ZPBP: variants seen among roughly 807,000 people sequenced by gnomAD.
ZPBP encodes the protein zona pellucida-binding protein 1.
ZPBP carries 26 observed loss-of-function variants against 44.8 expected under a neutral mutation model. That is an observed-to-expected ratio of 0.58 (90% CI 0.43 to 0.81). ZPBP has a LOEUF of 0.81. ZPBP is among the 30% of genes least tolerant of loss of function. The probability of loss-of-function intolerance (pLI) is 0.00; values close to 1 mark genes in which losing one functional copy is unlikely to be tolerated. For synonymous variants in ZPBP, 174 were observed against 153.2 expected (o/e 1.14, Z -1.00); for missense variants, 409 against 434.0 (o/e 0.94, Z 0.51).
intron 3 of ZPBP, among the ~76,000 whole-genome samples, chr7:50,069,002 T>C (rs1042307199): frequency 1.3e-5 from 2 of 152,226 alleles, no homozygotes; most frequent in Admixed American, 6.5e-5. Flanking sequence ...GACTGCATCA[T>C]CTGGCTCTTA....
chr7:49,987,729 TGTGTG>T (rs1312336788), intron 6 of ZPBP, among the ~76,000 whole-genome samples: 6 of 606 alleles, frequency 9.9e-3, no homozygotes, highest in Non-Finnish European at 0.021. Context: ...ATATATGTGT[TGTGTG>T]TGTGTGTGTG....
At chr7:49,993,406 T>C (rs1567279) in intron 6 of ZPBP, among the ~76,000 whole-genome samples, 39,726 of 152,092 alleles carry the variant, frequency 0.26, 6,501 homozygotes, top group Non-Finnish European at 0.37. Flanking sequence ...GATGTTGGAT[T>C]TAAATCCAAA....
intron 2 of ZPBP, among the ~76,000 whole-genome samples, chr7:49,892,114 G>A (rs993908390): frequency 7.5e-6 from 1 of 134,184 alleles, no homozygotes; most frequent in Non-Finnish European, 1.5e-5. Flanking sequence ...GCGCAATCTC[G>A]GCTCACTGCA....
intron 6 of ZPBP, among the ~76,000 whole-genome samples, chr7:49,991,372 A>G (rs1156591488): frequency 6.6e-6 from 1 of 152,174 alleles, no homozygotes; most frequent in East Asian, 1.9e-4. Context: ...AATTAGGCGG[A>G]GATATATGAG....
chr7:50,045,012 C>T (rs542137565), intron 4 of ZPBP, among the ~76,000 whole-genome samples: 5 of 152,274 alleles, frequency 3.3e-5, no homozygotes, highest in East Asian at 1.9e-4. Flanking sequence ...AATCAATAAA[C>T]GTAATCCATC....
rs139185755 is a variant in ZPBP at position 50,012,178 on chromosome 7, G to T, written c.783+6062C>A. ...TAATATTAGAAGCAATTTCATGCCA[G>T]AAAAATTTGACAATTTTGATCCAAT... is the stretch of plus-strand genomic sequence containing the variant. On this transcript the variant is annotated intron_variant, in intron 6 of 7. Coordinates refer to ENST00000046087, the MANE Select transcript of ZPBP (RefSeq NM_007009.3). 6.0e-3 allele frequency among the ~76,000 whole-genome samples: 917 copies of T among 152,012 alleles called. 10 individuals carry two copies. Among genetic ancestry groups the T allele is most frequent in the Middle Eastern group, 0.034 (10 of 294 alleles).
At chr7:49,979,203 C>T (rs942709386) in intron 7 of ZPBP, among the ~76,000 whole-genome samples, 1 of 151,928 alleles carries the variant, frequency 6.6e-6, no homozygotes, top group Non-Finnish European at 1.5e-5. Context: ...AAACACAAGT[C>T]TCACCGAGAA....
intron 1 of ZPBP, among the ~76,000 whole-genome samples, chr7:49,911,311 A>G (rs558686699): frequency 3.3e-5 from 5 of 151,630 alleles, no homozygotes; most frequent in African/African-American, 4.8e-5. Context: ...GTGAAACCCA[A>G]TCTCTACTAA....
intron 7 of ZPBP, among the ~76,000 whole-genome samples, chr7:49,977,127 A>AAATAAATAAATAAATAAATG (rs1562814430): frequency 2.6e-5 from 4 of 151,444 alleles, no homozygotes; most frequent in Admixed American, 6.6e-5. Context: ...ATAAATAAAT[A>AAATAAATAAATAAATAAATG]AATAAATAGA....
chr7:50,046,401 G>C (rs1240443050), intron 4 of ZPBP, among the ~76,000 whole-genome samples: 3 of 151,052 alleles, frequency 2.0e-5, no homozygotes, highest in Non-Finnish European at 2.9e-5. Flanking sequence ...CTATCCATCT[G>C]ACAAAGGGCT....
chr7:49,867,053 G>C (rs534834753), intron 2 of ZPBP, among the ~76,000 whole-genome samples: 1 of 152,136 alleles, frequency 6.6e-6, no homozygotes, highest in Non-Finnish European at 1.5e-5. Flanking sequence ...TAACCATCTC[G>C]TTAGAGAGAC....
intron 1 of ZPBP, 179 bp downstream of exon 1, chr7:50,092,889 A>C: frequency 1.1e-6 from 1 of 917,676 alleles, no homozygotes; most frequent in Non-Finnish European, 1.6e-6. Flanking sequence ...TCACTCCTCT[A>C]TGCAAATGCA....
Position 49,981,436 on chromosome 7 carries a change from TAA to T in ZPBP, c.961+1904_961+1905del, listed in dbSNP as rs1352584456. On this transcript the variant is annotated intron_variant, in intron 7 of 7. Coordinates refer to ENST00000046087, the MANE Select transcript of ZPBP (RefSeq NM_007009.3). ...TATAATATATAATATAAAATATATA[TAA>T]TATATATTATGTACATATAATAATA... is the stretch of plus-strand genomic sequence containing the variant. 1.4e-4 allele frequency among the ~76,000 whole-genome samples: 7 copies of T among 50,168 alleles called. 1 individual carries two copies. Among genetic ancestry groups the T allele is most frequent in the Admixed American group, 1.0e-3 (3 of 2,914 alleles). The allele number at this position is 50,168 out of a possible 152,430, so 32.9% of individuals were successfully genotyped here.
At chr7:49,846,831 G>A (rs530488862), downstream of ZPBP, among the ~76,000 whole-genome samples, 2 of 152,296 alleles carry the variant, frequency 1.3e-5, no homozygotes, top group South Asian at 4.1e-4. Flanking sequence ...TCATTTGACA[G>A]CCAGAGAAGT....
intron 3 of ZPBP, among the ~76,000 whole-genome samples, chr7:50,069,038 A>T (rs1801686275): frequency 6.6e-6 from 1 of 152,174 alleles, no homozygotes; most frequent in Non-Finnish European, 1.5e-5. Context: ...TCCTCTTAAG[A>T]GGCATAAGCA....
the ZPBP span, among the ~76,000 whole-genome samples, chr7:49,841,582 A>T: frequency 6.6e-6 from 1 of 152,194 alleles, no homozygotes; most frequent in Non-Finnish European, 1.5e-5. Context: ...AGATTTCCTA[A>T]AATGCTTTGG....
intron 4 of ZPBP, among the ~76,000 whole-genome samples, chr7:50,053,709 T>C (rs1298094245): frequency 2.0e-5 from 3 of 152,238 alleles, no homozygotes; most frequent in Admixed American, 6.5e-5. Context: ...GTCTGTTTTT[T>C]ACTTCATGCT....
chr7:49,990,136 T>A (rs994428478), intron 6 of ZPBP, among the ~76,000 whole-genome samples: 1 of 152,124 alleles, frequency 6.6e-6, no homozygotes, highest in Non-Finnish European at 1.5e-5. Flanking sequence ...TAATGGAAGT[T>A]AAAAGGCACA....
chr7:49,869,611 A>G (rs1044761437), intron 2 of ZPBP, among the ~76,000 whole-genome samples: 12 of 152,358 alleles, frequency 7.9e-5, no homozygotes, highest in African/African-American at 2.9e-4. Context: ...GAATTAAAAA[A>G]TAGTCCTAAA....
Sources: allele counts gnomAD v4.1 joint callset (sites outside exome capture counted in the v4.1 genomes callset), GRCh38; gene constraint gnomAD v4.1.1; transcripts MANE v1.5; gene names NCBI Gene and HGNC (gene_info 2026-07-23, HGNC 2026-07-21).